The following PPP2R2C variants were observed in gnomAD, a reference collection of about 807,000 sequenced individuals.
PPP2R2C encodes protein phosphatase 2, regulatory subunit B, gamma.
In PPP2R2C, 10 loss-of-function variants were observed where a neutral mutation model predicts 45.3. That is an observed-to-expected ratio of 0.22 (90% CI 0.14 to 0.37). The LOEUF (loss-of-function observed/expected upper bound fraction) is 0.37. PPP2R2C is among the 10% of genes least tolerant of loss of function. The pLI, the probability that PPP2R2C is intolerant of heterozygous loss-of-function variation, is 1.00. For missense variants in PPP2R2C, 308 were observed against 619.7 expected (o/e 0.50, Z 5.34); for synonymous variants, 257 against 245.4 (o/e 1.05, Z -0.44).
chr4:6,404,964 C>A (rs1287433892), intron 1 of PPP2R2C, among the ~76,000 whole-genome samples: 7 of 152,186 alleles, frequency 4.6e-5, no homozygotes. Context: ...ACTGCCTCAT[C>A]AGCAAAATAA....
At chr4:6,450,442 G>C (rs73207822) in intron 1 of PPP2R2C, among the ~76,000 whole-genome samples, 14 of 152,252 alleles carry the variant, frequency 9.2e-5, no homozygotes, top group Admixed American at 6.5e-5. Flanking sequence ...ATCAAGCAAC[G>C]GTTCAGCCTC....
intron 1 of PPP2R2C, among the ~76,000 whole-genome samples, chr4:6,459,387 G>A (rs1007466856): frequency 1.3e-5 from 2 of 152,098 alleles, no homozygotes; most frequent in African/African-American, 2.4e-5. Flanking sequence ...AAAGCTACAC[G>A]GTGTCACCTC....
chr4:6,548,065 A>G (rs981728803), intron 1 of PPP2R2C, among the ~76,000 whole-genome samples: 1 of 152,054 alleles, frequency 6.6e-6, no homozygotes. Context: ...TAAAAATACA[A>G]AAATTAACCA....
intron 1 of PPP2R2C, among the ~76,000 whole-genome samples, chr4:6,415,595 C>T (rs1003346013): frequency 3.3e-5 from 5 of 152,158 alleles, no homozygotes; most frequent in African/African-American, 1.2e-4. Flanking sequence ...ATTCCAGATA[C>T]CAGAGCAGCC....
chr4:6,522,284 C>T (rs1468321491), intron 2 of PPP2R2C, among the ~76,000 whole-genome samples: 1 of 152,236 alleles, frequency 6.6e-6, no homozygotes, highest in African/African-American at 2.4e-5. Context: ...CCCAGGAAGG[C>T]TGATGTCATT....
intron 2 of PPP2R2C, among the ~76,000 whole-genome samples, chr4:6,499,653 T>C (rs1032233675): frequency 1.3e-5 from 2 of 152,118 alleles, no homozygotes; most frequent in African/African-American, 4.8e-5. Flanking sequence ...GATGATTTTT[T>C]TTGTCTTTTC....
chr4:6,563,361 G>A lies in PPP2R2C; in HGVS notation c.-59+199C>T, dbSNP rs1725646564. ...GCAGAGCCAGCCCTGCCCCAGGACCGCCCCGGGGTCGGTGCCCGGGCTCTC... is the reference window on the plus strand; with the variant it reads ...GCAGAGCCAGCCCTGCCCCAGGACCACCCCGGGGTCGGTGCCCGGGCTCTC... On this transcript the variant is annotated intron_variant, in intron 1 of 9. Transcript: ENST00000506140. This position sits in a 1 kb window ranked among gnomAD's most constrained non-coding sequence, Gnocchi z 5.8. Among the ~76,000 whole-genome samples, 1 of 152,218 alleles carries A rather than the reference G, an allele frequency of 6.6e-6. No individual in the cohort carries two copies. The highest frequency in any genetic ancestry group is 6.5e-5 in the Admixed American group (1 of 15,290).
intron 1 of PPP2R2C, among the ~76,000 whole-genome samples, chr4:6,456,594 C>T (rs753153714): frequency 3.9e-5 from 6 of 152,134 alleles, no homozygotes; most frequent in Non-Finnish European, 4.4e-5. Flanking sequence ...CTCGCTCCTT[C>T]GGTCAGTTCA....
At chr4:6,334,212 C>T (rs1732648177) in intron 6 of PPP2R2C, among the ~76,000 whole-genome samples, 1 of 152,144 alleles carries the variant, frequency 6.6e-6, no homozygotes, top group Non-Finnish European at 1.5e-5. Context: ...TTCATGGTGT[C>T]CTGGGCAGGC....
intron 1 of PPP2R2C, among the ~76,000 whole-genome samples, chr4:6,444,555 C>G (rs763424418): frequency 6.6e-6 from 1 of 152,174 alleles, no homozygotes; most frequent in African/African-American, 2.4e-5. Flanking sequence ...TGAGGTTTCT[C>G]AAAATGATCA....
At chr4:6,514,425 T>A (rs544478068) in intron 2 of PPP2R2C, among the ~76,000 whole-genome samples, 1 of 152,148 alleles carries the variant, frequency 6.6e-6, no homozygotes, top group African/African-American at 2.4e-5. Context: ...GAAGAGGTGA[T>A]TGGTGATCAA....
chr4:6,461,628 C>A (rs16838885), intron 1 of PPP2R2C, among the ~76,000 whole-genome samples: 1 of 152,206 alleles, frequency 6.6e-6, no homozygotes, highest in Non-Finnish European at 1.5e-5. Context: ...CCTGGGCCAA[C>A]TGGGATCATC....
At chr4:6,485,853 T>G (rs779581493) in intron 2 of PPP2R2C, among the ~76,000 whole-genome samples, 4 of 151,958 alleles carry the variant, frequency 2.6e-5, no homozygotes, top group Non-Finnish European at 5.9e-5. Context: ...TTGGATTAAT[T>G]TATTTTCTCT....
In PPP2R2C at chr4:6,458,455, G is replaced by C. The variant is rs529903234; in HGVS notation, c.70+13705C>G. 1.6e-4 allele frequency among the ~76,000 whole-genome samples: 24 copies of C among 152,184 alleles called. 1 individual carries two copies. The South Asian group carries it at 5.0e-3, about 32-fold the overall frequency. Reference sequence around the variant, plus strand: ...ACAGAAGGGCAAGGGAGCTCTCTAAGGTCTTTTATAAGGGCACTAATCCCA... The same window carrying C: ...ACAGAAGGGCAAGGGAGCTCTCTAACGTCTTTTATAAGGGCACTAATCCCA... On this transcript the variant is annotated intron_variant, in intron 1 of 8. Transcript: ENST00000382599.
intron 1 of PPP2R2C, among the ~76,000 whole-genome samples, chr4:6,429,271 C>T (rs565564067): frequency 1.4e-4 from 22 of 152,290 alleles, no homozygotes; most frequent in African/African-American, 5.3e-4. Context: ...ACTTCAACAC[C>T]GCACTTTTGA....
chr4:6,533,696 G>A (rs1168822134), intron 2 of PPP2R2C, among the ~76,000 whole-genome samples: 1 of 152,172 alleles, frequency 6.6e-6, no homozygotes, highest in African/African-American at 2.4e-5. Flanking sequence ...TGTGCCTTAA[G>A]TAAGGGTAGA....
At chr4:6,410,885 A>T (rs1026383634) in intron 1 of PPP2R2C, among the ~76,000 whole-genome samples, 16 of 130,222 alleles carry the variant, frequency 1.2e-4, no homozygotes, top group African/African-American at 4.4e-4. Flanking sequence ...TTATTTATTT[A>T]TTAGACAGAG....
intron 1 of PPP2R2C, among the ~76,000 whole-genome samples, chr4:6,420,198 C>T (rs1445251972): frequency 6.6e-6 from 1 of 152,208 alleles, no homozygotes; most frequent in Non-Finnish European, 1.5e-5. Context: ...GTGAGCAAGA[C>T]TTCCCAAGGA....
At chr4:6,512,314 A>G (rs1453876502) in intron 2 of PPP2R2C, among the ~76,000 whole-genome samples, 14 of 46,554 alleles carry the variant, frequency 3.0e-4, no homozygotes, top group Non-Finnish European at 4.6e-4. Context: ...GGTGGTGGTG[A>G]TTATGGTGGT....
Sources: allele counts gnomAD v4.1 joint callset (sites outside exome capture counted in the v4.1 genomes callset), GRCh38; gene constraint gnomAD v4.1.1; non-coding constraint Gnocchi (gnomAD v3.1); transcripts MANE v1.5; gene names NCBI Gene and HGNC (gene_info 2026-07-23, HGNC 2026-07-21).